The following ATXN8OS variants were observed in gnomAD, a reference collection of about 807,000 sequenced individuals.
ATXN8OS encodes ATXN8 opposite strand (non-protein coding).
chr13:70,159,099 A>G (rs113827437), intron 4 of ATXN8OS, among the ~76,000 whole-genome samples: 4 of 152,044 alleles, frequency 2.6e-5, no homozygotes, highest in African/African-American at 4.8e-5. Context: ...TTACTAGATA[A>G]TACTATAGTT....
intron 4 of ATXN8OS, among the ~76,000 whole-genome samples, chr13:70,158,904 A>G (rs1012199008): frequency 3.3e-5 from 5 of 152,208 alleles, no homozygotes; most frequent in Admixed American, 3.3e-4. Flanking sequence ...TCTGTGTTAT[A>G]GGACTGCTCT....
intron 4 of ATXN8OS, among the ~76,000 whole-genome samples, chr13:70,154,550 A>G (rs1888913075): frequency 6.6e-6 from 1 of 152,172 alleles, no homozygotes; most frequent in South Asian, 2.1e-4. Flanking sequence ...GGGAAATTAA[A>G]GAAAGATAAA....
chr13:70,153,734 C>T (rs1324557973), intron 4 of ATXN8OS, among the ~76,000 whole-genome samples: 1 of 152,066 alleles, frequency 6.6e-6, no homozygotes, highest in Non-Finnish European at 1.5e-5. Context: ...GGCTGGAGTG[C>T]AGGGGCACAG....
intron 2 of ATXN8OS, among the ~76,000 whole-genome samples, chr13:70,120,125 C>A (rs1001029696): frequency 2.0e-5 from 3 of 152,038 alleles, no homozygotes; most frequent in African/African-American, 7.2e-5. Flanking sequence ...GCAATTTTTT[C>A]TTGTTATTTT....
intron 3 of ATXN8OS, among the ~76,000 whole-genome samples, chr13:70,137,987 G>A (rs762132976): frequency 1.3e-5 from 2 of 152,152 alleles, no homozygotes; most frequent in Non-Finnish European, 2.9e-5. Flanking sequence ...AGCAAAGGGG[G>A]AAGTGCTACA....
chr13:70,138,118 T>G (rs966853819), intron 3 of ATXN8OS, among the ~76,000 whole-genome samples: 1 of 152,208 alleles, frequency 6.6e-6, no homozygotes, highest in Non-Finnish European at 1.5e-5. Context: ...GGCTTACAAT[T>G]CAACATGAGA....
rs368688045 is a variant in ATXN8OS, at chr13:70,127,830, T to C, written n.399-1954T>C. Among the ~76,000 whole-genome samples, 6 of 152,026 alleles carry C rather than the reference T, an allele frequency of 3.9e-5. No individual in the cohort carries two copies. The East Asian group carries it at 1.2e-3, about 29-fold the overall frequency. On this transcript the variant is annotated intron_variant and non_coding_transcript_variant, in intron 2 of 4. Coordinates refer to ENST00000678624, the Ensembl canonical transcript of ATXN8OS. ...CAGAATTATCCAAGCAGAGGCTAACTTATTCAAGCAGAGGCTAAACAGATG... is the reference window on the plus strand; with the variant it reads ...CAGAATTATCCAAGCAGAGGCTAACCTATTCAAGCAGAGGCTAAACAGATG...
chr13:70,132,213 A>C (rs1888543723), intron 3 of ATXN8OS, among the ~76,000 whole-genome samples: 1 of 152,108 alleles, frequency 6.6e-6, no homozygotes, highest in Non-Finnish European at 1.5e-5. Flanking sequence ...ACATGGAATC[A>C]ACCTAAGTGT....
intron 1 of ATXN8OS, among the ~76,000 whole-genome samples, chr13:70,112,084 G>T (rs952998769): frequency 6.6e-6 from 1 of 152,140 alleles, no homozygotes; most frequent in African/African-American, 2.4e-5. Flanking sequence ...AAGGCAAAGG[G>T]GAAGCAGGCA....
chr13:70,146,834 C>T lies in ATXN8OS; in HGVS notation n.500-521C>T, dbSNP rs150454959. Among the ~76,000 whole-genome samples, 1,002 of 152,110 alleles carry T rather than the reference C, an allele frequency of 6.6e-3. 9 individuals carry two copies. The highest frequency in any genetic ancestry group is 0.023 in the African/African-American group (950 of 41,478). On this transcript the variant is annotated intron_variant and non_coding_transcript_variant, in intron 3 of 4. Transcript: ENST00000678624. ...ATGCTAAATGACAAGTTAATGGGTG[C>T]AGCACACCAGCATGGCACATGTATA...
At chr13:70,125,527 C>T (rs1006518542) in intron 2 of ATXN8OS, among the ~76,000 whole-genome samples, 3 of 152,144 alleles carry the variant, frequency 2.0e-5, no homozygotes, top group South Asian at 2.1e-4. Context: ...TTTGTTTGTT[C>T]GAATTGACAC....
At chr13:70,130,820 C>A (rs1329395533) in intron 3 of ATXN8OS, 7 of 398,302 alleles carry the variant, frequency 1.8e-5, no homozygotes, top group Non-Finnish European at 2.7e-5. Flanking sequence ...CCCCAATGAC[C>A]AGGGAGAATG....
intron 3 of ATXN8OS, among the ~76,000 whole-genome samples, chr13:70,145,289 A>C (rs1260382781): frequency 6.6e-6 from 1 of 151,422 alleles, no homozygotes; most frequent in Non-Finnish European, 1.5e-5. Context: ...TAGCGTGATG[A>C]CTCCGGCTTT....
At chr13:70,164,431 C>T (rs971753896) in intron 4 of ATXN8OS, among the ~76,000 whole-genome samples, 1 of 151,448 alleles carries the variant, frequency 6.6e-6, no homozygotes, top group Non-Finnish European at 1.5e-5. Context: ...GTATTTGCAA[C>T]AAATGTGTAT....
At chr13:70,125,708 C>T (rs927204368) in intron 2 of ATXN8OS, among the ~76,000 whole-genome samples, 4 of 152,252 alleles carry the variant, frequency 2.6e-5, no homozygotes, top group East Asian at 1.9e-4. Context: ...GTTGCCTCCT[C>T]ATCTTTGTTC....
chr13:70,139,372 C>CTAT, intron 3 of ATXN8OS: 1 of 673,810 alleles, frequency 1.5e-6, no homozygotes, highest in East Asian at 2.9e-5. Flanking sequence ...ACTACTACTA[C>CTAT]TACTACTACT....
At chr13:70,127,069 C>A (rs1331810109) in intron 2 of ATXN8OS, among the ~76,000 whole-genome samples, 1 of 151,740 alleles carries the variant, frequency 6.6e-6, no homozygotes, top group African/African-American at 2.4e-5. Context: ...TTCTCTATGT[C>A]TTTATCTATT....
chr13:70,116,306 C>A (rs767355144), intron 2 of ATXN8OS, among the ~76,000 whole-genome samples: 1 of 151,934 alleles, frequency 6.6e-6, no homozygotes, highest in Non-Finnish European at 1.5e-5. Flanking sequence ...GGAAGAAATA[C>A]AGAGAGTTTT....
intron 4 of ATXN8OS, among the ~76,000 whole-genome samples, chr13:70,159,053 G>T (rs973003235): frequency 6.6e-6 from 1 of 151,474 alleles, no homozygotes; most frequent in Non-Finnish European, 1.5e-5. Flanking sequence ...CCTGGATAAT[G>T]ATTCATTTCA....
Sources: allele counts gnomAD v4.1 joint callset (sites outside exome capture counted in the v4.1 genomes callset), GRCh38; gene constraint gnomAD v4.1.1; transcripts MANE v1.5; gene names NCBI Gene and HGNC (gene_info 2026-07-23, HGNC 2026-07-21).